XKR6: variants seen among roughly 807,000 people sequenced by gnomAD.
XKR6 encodes XK related 6, also known as XK-related protein 6.
Under a neutral mutation model 56.7 loss-of-function variants are expected in XKR6, and 22 were observed. That is an observed-to-expected ratio of 0.39 (90% CI 0.28 to 0.55). XKR6 has a LOEUF of 0.55. XKR6 is among the 20% of genes least tolerant of loss of function. The probability of loss-of-function intolerance (pLI) is 0.66; values close to 1 mark genes in which losing one functional copy is unlikely to be tolerated. For synonymous variants in XKR6, 524 were observed against 387.8 expected (o/e 1.35, Z -4.13); for missense variants, 852 against 889.0 (o/e 0.96, Z 0.53).
At chr8:11,139,477 C>A (rs896927307) in intron 1 of XKR6, among the ~76,000 whole-genome samples, 23 of 152,106 alleles carry the variant, frequency 1.5e-4, no homozygotes, top group Admixed American at 1.4e-3. Flanking sequence ...CCATTTCTTG[C>A]CAGCAGCTGC....
chr8:10,972,012 C>A (rs1158388232), intron 1 of XKR6, among the ~76,000 whole-genome samples: 1 of 152,220 alleles, frequency 6.6e-6, no homozygotes, highest in Non-Finnish European at 1.5e-5. Flanking sequence ...TCCCACTGGA[C>A]CCTAGCCCCA....
intron 1 of XKR6, among the ~76,000 whole-genome samples, chr8:11,068,001 G>A (rs1232076561): frequency 1.3e-5 from 2 of 152,232 alleles, no homozygotes; most frequent in African/African-American, 2.4e-5. Context: ...CACCTCTCCT[G>A]CTAGATTCTG....
At chr8:10,914,075 G>A (rs868489469) in intron 2 of XKR6, among the ~76,000 whole-genome samples, 3 of 152,264 alleles carry the variant, frequency 2.0e-5, no homozygotes, top group South Asian at 2.1e-4. Context: ...TCCTCTTGGC[G>A]TTCTGACCAA....
intron 1 of XKR6, among the ~76,000 whole-genome samples, chr8:11,149,988 A>G (rs1214709297): frequency 6.6e-6 from 1 of 152,204 alleles, no homozygotes; most frequent in East Asian, 1.9e-4. Context: ...AAAGACAAAT[A>G]TTGCATGTAC....
chr8:11,110,225 G>A (rs1380132345), intron 1 of XKR6, among the ~76,000 whole-genome samples: 2 of 152,094 alleles, frequency 1.3e-5, no homozygotes, highest in Non-Finnish European at 2.9e-5. Context: ...AGCCCACCTT[G>A]GCCTCCCAAA....
At chr8:11,024,207 GTGT>G (rs1563352286) in intron 1 of XKR6, among the ~76,000 whole-genome samples, 169 of 45,454 alleles carry the variant, frequency 3.7e-3, no homozygotes, top group African/African-American at 0.026. Context: ...GTTAGGAGGT[GTGT>G]GTGTGTGTGT....
chr8:11,143,780 G>A (rs1349705467), intron 1 of XKR6, among the ~76,000 whole-genome samples: 4 of 152,126 alleles, frequency 2.6e-5, no homozygotes, highest in Admixed American at 6.5e-5. Context: ...ACAATAATCC[G>A]CTAAGCTACT....
At chr8:11,195,132 G>T in intron 1 of XKR6, 1 of 703,198 alleles carries the variant, frequency 1.4e-6, no homozygotes, top group Middle Eastern at 2.3e-4. Flanking sequence ...TCAGATGGGA[G>T]GAGGGAGAAG....
chr8:11,019,912 A>G (rs1798711852), intron 1 of XKR6, among the ~76,000 whole-genome samples: 1 of 152,204 alleles, frequency 6.6e-6, no homozygotes, highest in African/African-American at 2.4e-5. Context: ...CAGCCGGGCC[A>G]GAGTGGGGCA....
chr8:10,949,416 G>C (rs1299368763), intron 1 of XKR6, among the ~76,000 whole-genome samples: 1 of 152,170 alleles, frequency 6.6e-6, no homozygotes, highest in Non-Finnish European at 1.5e-5. Flanking sequence ...TAAAGACTTG[G>C]GCAGGATGCA....
At chr8:10,932,575 C>A in intron 1 of XKR6, among the ~76,000 whole-genome samples, 1 of 112,538 alleles carries the variant, frequency 8.9e-6, no homozygotes, top group Non-Finnish European at 1.8e-5. Context: ...TCCCTCCCCC[C>A]TCCCCCCACC....
intron 1 of XKR6, among the ~76,000 whole-genome samples, chr8:11,073,574 A>G (rs548458986): frequency 1.3e-5 from 2 of 152,346 alleles, no homozygotes; most frequent in African/African-American, 4.8e-5. Context: ...TGCACTGATC[A>G]ATACTGAAGA....
intron 1 of XKR6, among the ~76,000 whole-genome samples, chr8:11,028,912 C>T (rs779322588): frequency 3.9e-5 from 6 of 152,184 alleles, no homozygotes; most frequent in Non-Finnish European, 8.8e-5. Context: ...GGGATGTGAA[C>T]TCTCTGCAGG....
chr8:11,164,610 C>T (rs1197759585), intron 1 of XKR6, among the ~76,000 whole-genome samples: 1 of 152,194 alleles, frequency 6.6e-6, no homozygotes, highest in Non-Finnish European at 1.5e-5. Context: ...GTGGCCAAAA[C>T]ACAATCAATA....
At chr8:11,171,780 C>T (rs770751162) in intron 1 of XKR6, among the ~76,000 whole-genome samples, 1 of 152,114 alleles carries the variant, frequency 6.6e-6, no homozygotes, top group Non-Finnish European at 1.5e-5. Flanking sequence ...GGGCCAGGTG[C>T]AGTGACTCAC....
intron 1 of XKR6, among the ~76,000 whole-genome samples, chr8:11,070,702 T>C (rs1338206329): frequency 1.3e-5 from 2 of 152,206 alleles, no homozygotes; most frequent in Non-Finnish European, 2.9e-5. Context: ...AAAACACTTA[T>C]ACAGATGATT....
At chr8:11,152,583 G>C (rs891217543) in intron 1 of XKR6, among the ~76,000 whole-genome samples, 1 of 152,164 alleles carries the variant, frequency 6.6e-6, no homozygotes, top group Admixed American at 6.5e-5. Context: ...CTGAACGTTT[G>C]TCCTAATAAA....
intron 1 of XKR6, among the ~76,000 whole-genome samples, chr8:10,990,754 A>AT (rs146816016): frequency 0.039 from 5,872 of 151,154 alleles, 356 homozygotes; most frequent in African/African-American, 0.13. Context: ...TAATGTTTAA[A>AT]TTTTTTTTTG....
At chr8:11,192,274 T>C (rs1803623864) in intron 1 of XKR6, among the ~76,000 whole-genome samples, 1 of 152,072 alleles carries the variant, frequency 6.6e-6, no homozygotes, top group Admixed American at 6.5e-5. Context: ...TTCTGCTGCC[T>C]CAGCCTCCTG....
Sources: gnomAD v4.1 joint callset for allele counts (sites outside exome capture counted in the v4.1 genomes callset) on GRCh38, gnomAD v4.1.1 for gene constraint, MANE v1.5 for transcripts, NCBI Gene and HGNC (gene_info 2026-07-23, HGNC 2026-07-21) for gene names.